RAF1: variants seen among roughly 807,000 people sequenced by gnomAD.
RAF1 encodes the protein Raf-1 proto-oncogene, serine/threonine kinase, also known as RAF proto-oncogene serine/threonine-protein kinase.
Under a neutral mutation model 81.1 loss-of-function variants are expected in RAF1, and 27 were observed. The ratio of observed to expected loss-of-function variants is 0.33; its 90% CI spans 0.25 to 0.46. The LOEUF (loss-of-function observed/expected upper bound fraction) is 0.46, where lower values mean the gene tolerates loss of function less well. RAF1 is among the 20% of genes least tolerant of loss of function. The pLI is 1.00. For missense variants in RAF1, 598 were observed against 826.0 expected (o/e 0.72, Z 3.38); for synonymous variants, 298 against 294.0 (o/e 1.01, Z -0.14).
In RAF1 at chr3:12,663,792, C is replaced by G. The variant is rs1002571662; in HGVS notation, c.-27+21G>C. On this transcript the variant is annotated intron_variant, in intron 1 of 17. Coordinates refer to ENST00000442415, the MANE Select transcript of RAF1 (RefSeq NM_001354689.3). ...CGCCGCCCGGCTCCCCCGGCATCCA[C>G]GACCCGGTCCTGCCACCTACCTGAG... The G allele has an allele frequency of 2.3e-5, 9 of 396,696 alleles. No individual in the cohort carries two copies. In the Admixed American group the frequency reaches 3.1e-4, roughly 14 times the overall value. The allele number at this position is 396,696 out of a possible 1,614,324, so 24.6% of individuals were successfully genotyped here. A position where few individuals can be genotyped will look rare whatever the true frequency, so the allele number is the denominator to read the frequency against.
chr3:12,620,212 G>A (rs2059514554), intron 1 of RAF1, among the ~76,000 whole-genome samples: 2 of 151,898 alleles, frequency 1.3e-5, no homozygotes, highest in South Asian at 4.2e-4. Context: ...CGCGATCTTG[G>A]CTCACTGAAC....
intron 1 of RAF1, among the ~76,000 whole-genome samples, chr3:12,624,897 A>AC (rs1415763303): frequency 0.012 from 1,677 of 139,054 alleles, 18 homozygotes; most frequent in South Asian, 0.027. Flanking sequence ...AAAAAAAAAA[A>AC]AAAAACAAAA....
At chr3:12,603,254 A>C (rs5746214) in intron 8 of RAF1, among the ~76,000 whole-genome samples, 5 of 151,942 alleles carry the variant, frequency 3.3e-5, no homozygotes, top group African/African-American at 1.2e-4. Context: ...TCAGAAATTC[A>C]TTTCACCTAT....
chr3:12,636,172 G>A (rs998816985), intron 1 of RAF1, among the ~76,000 whole-genome samples: 4 of 151,572 alleles, frequency 2.6e-5, no homozygotes. Context: ...TGTAATCCCA[G>A]CTACTTGGGA....
At position 12,618,747 on chromosome 3, in the gene RAF1, C is replaced by A; in HGVS notation, c.-26G>T. 6.2e-7 allele frequency: 1 copy of A among 1,607,460 alleles called. No homozygotes were observed. The highest frequency in any genetic ancestry group is 8.5e-7 in the Non-Finnish European group (1 of 1,174,424). On this transcript the variant is annotated splice_region_variant and 5_prime_UTR_variant, in exon 2 of 18. Coordinates refer to ENST00000442415, the MANE Select transcript of RAF1 (RefSeq NM_001354689.3). ...TGATGCAGCTTAAACAATTCTTAAA[C>A]CTGGTAAGAAACACAAATAATTGTA... is the stretch of plus-strand genomic sequence containing the variant.
At chr3:12,626,651 G>A (rs1449757199) in intron 1 of RAF1, among the ~76,000 whole-genome samples, 1 of 151,668 alleles carries the variant, frequency 6.6e-6, no homozygotes, top group Admixed American at 6.6e-5. Context: ...TGATACTTTG[G>A]TAACAAAAAG....
intron 3 of RAF1, among the ~76,000 whole-genome samples, chr3:12,610,731 C>T (rs1177651145): frequency 1.3e-5 from 2 of 152,158 alleles, no homozygotes; most frequent in Admixed American, 6.5e-5. Flanking sequence ...TGTAAGCTAA[C>T]GATGAATAAC....
intron 1 of RAF1, among the ~76,000 whole-genome samples, chr3:12,646,167 T>A (rs1028057224): frequency 2.0e-5 from 3 of 152,042 alleles, no homozygotes; most frequent in African/African-American, 7.2e-5. Flanking sequence ...AGAGACGGAG[T>A]CTCCCTTTGT....
At chr3:12,626,068 C>A (rs1482704059) in intron 1 of RAF1, among the ~76,000 whole-genome samples, 2 of 150,988 alleles carry the variant, frequency 1.3e-5, no homozygotes, top group Non-Finnish European at 3.0e-5. Context: ...GAGTTTGAGA[C>A]CAGCCTGGCT....
chr3:12,599,558 A>C, intron 11 of RAF1, 133 bp downstream of exon 10: 4 of 704,230 alleles, frequency 5.7e-6, no homozygotes, highest in Non-Finnish European at 1.0e-5. Context: ...CTTCAGGTAT[A>C]ATCAAGTATG....
intron 1 of RAF1, among the ~76,000 whole-genome samples, chr3:12,628,759 G>GA (rs1180161739): frequency 7.2e-6 from 1 of 138,506 alleles, no homozygotes; most frequent in Non-Finnish European, 1.6e-5. Context: ...TTTGGGGGGG[G>GA]GGGGTGGCGG....
At chr3:12,641,319 A>G (rs1440736845) in intron 1 of RAF1, among the ~76,000 whole-genome samples, 1 of 151,898 alleles carries the variant, frequency 6.6e-6, no homozygotes, top group African/African-American at 2.4e-5. Flanking sequence ...ATGTATACAT[A>G]TGTAACAAAC....
intron 8 of RAF1, chr3:12,603,440 A>C (rs2058925347): frequency 3.0e-6 from 2 of 676,674 alleles, no homozygotes; most frequent in Non-Finnish European, 5.4e-6. Flanking sequence ...CAATCCTGTT[A>C]ATTACAAGAA....
At position 12,621,207 on chromosome 3, in the gene RAF1, G is replaced by A. The variant is rs116698241; in HGVS notation, c.-26-2460C>T. 5.7e-3 allele frequency among the ~76,000 whole-genome samples: 861 copies of A among 152,250 alleles called. 8 individuals carry two copies. The highest frequency in any genetic ancestry group is 0.019 in the African/African-American group (805 of 41,536). On this transcript the variant is annotated intron_variant, in intron 1 of 17. Transcript: ENST00000442415. ...AATTATGTCCCCATTTTACAGTTGA[G>A]AAAATTCTCACACACACAGCTTGTA...
intron 13 of RAF1, 200 bp from the exon 13 acceptor site, chr3:12,587,837 C>CATT: frequency 5.2e-6 from 1 of 193,316 alleles, no homozygotes; most frequent in Non-Finnish European, 1.0e-5. Context: ...ATGCTTACAC[C>CATT]TTTTTTTTTT....
Position 12,636,413 on chromosome 3 carries a change from C to G in RAF1, c.-26-17666G>C, listed in dbSNP as rs554675241. On this transcript the variant is annotated intron_variant, in intron 1 of 17. Transcript: ENST00000442415. ...CTTAAGCCCAGTAGTTCAAGACCAGCCTGGGCAACATAACAAGACTGTATA... is the reference window on the plus strand; with the variant it reads ...CTTAAGCCCAGTAGTTCAAGACCAGGCTGGGCAACATAACAAGACTGTATA... 2.7e-5 allele frequency among the ~76,000 whole-genome samples: 4 copies of G among 149,376 alleles called. No homozygotes were observed. The South Asian group carries it at 8.5e-4, about 32-fold the overall frequency.
intron 1 of RAF1, among the ~76,000 whole-genome samples, chr3:12,647,081 G>C (rs989667542): frequency 6.6e-6 from 1 of 151,126 alleles, no homozygotes; most frequent in Non-Finnish European, 1.5e-5. Context: ...CAGATCACGA[G>C]GTCAGGAGAT....
At chr3:12,645,564 TG>T (rs1382925830) in intron 1 of RAF1, among the ~76,000 whole-genome samples, 23 of 152,240 alleles carry the variant, frequency 1.5e-4, no homozygotes, top group African/African-American at 5.5e-4. Flanking sequence ...AATTTTTGTT[TG>T]TTTTTCACAG....
intron 1 of RAF1, among the ~76,000 whole-genome samples, chr3:12,659,427 C>CAAAGAAAAAAAA (rs2060805331): frequency 2.1e-5 from 1 of 47,682 alleles, no homozygotes; most frequent in Non-Finnish European, 3.5e-5. Flanking sequence ...GATTTCATCT[C>CAAAGAAAAAAAA]AAAAAAAAAA....
Sources: allele counts gnomAD v4.1 joint callset (sites outside exome capture counted in the v4.1 genomes callset), GRCh38; gene constraint gnomAD v4.1.1; transcripts MANE v1.5; gene names NCBI Gene and HGNC (gene_info 2026-07-23, HGNC 2026-07-21).